SRPK2: variants seen among roughly 807,000 people sequenced by gnomAD.
SRPK2 encodes SRSF protein kinase 2.
SRPK2 carries 21 observed loss-of-function variants against 90.8 expected under a neutral mutation model. That is an observed-to-expected ratio of 0.23 (90% CI 0.16 to 0.33). SRPK2 has a LOEUF of 0.33. Among genes scored for constraint, SRPK2 ranks in the 10% least tolerant of loss-of-function variants. SRPK2 has a pLI of 1.00. For synonymous variants in SRPK2, 288 were observed against 311.1 expected (o/e 0.93, Z 0.78); for missense variants, 620 against 869.0 (o/e 0.71, Z 3.60).
At chr7:105,276,434 T>A (rs914467994) in intron 2 of SRPK2, among the ~76,000 whole-genome samples, 1 of 152,108 alleles carries the variant, frequency 6.6e-6, no homozygotes, top group East Asian at 1.9e-4. Context: ...TGGAGCCACT[T>A]TAGACTATGA....
At chr7:105,181,999 C>T (rs1402533517) in intron 3 of SRPK2, among the ~76,000 whole-genome samples, 2 of 151,346 alleles carry the variant, frequency 1.3e-5, no homozygotes, top group East Asian at 1.9e-4. Flanking sequence ...GGGGCCAAGG[C>T]GGGTGGATCA....
At chr7:105,355,764 A>G (rs1484332836) in intron 2 of SRPK2, among the ~76,000 whole-genome samples, 1 of 151,960 alleles carries the variant, frequency 6.6e-6, no homozygotes, top group Non-Finnish European at 1.5e-5. Context: ...TATCACCATC[A>G]GGGCCAAGCA....
At chr7:105,389,841 G>T (rs191202424), upstream of SRPK2, among the ~76,000 whole-genome samples, 2 of 152,148 alleles carry the variant, frequency 1.3e-5, no homozygotes, top group South Asian at 2.1e-4. Context: ...TGAAAGATAC[G>T]CATTCTGACT....
At chr7:105,122,832 A>G (rs1011394913) in intron 15 of SRPK2, among the ~76,000 whole-genome samples, 1 of 150,920 alleles carries the variant, frequency 6.6e-6, no homozygotes, top group African/African-American at 2.5e-5. Flanking sequence ...CATGCACACA[A>G]TCACTCTCTT....
At chr7:105,244,907 G>C (rs978824106) in intron 2 of SRPK2, 1 of 1,481,404 alleles carries the variant, frequency 6.8e-7, no homozygotes. Flanking sequence ...GCGCCAAGAG[G>C]AAGCGGGAGG....
intron 2 of SRPK2, among the ~76,000 whole-genome samples, chr7:105,248,906 A>G (rs1475488200): frequency 6.6e-6 from 1 of 151,872 alleles, no homozygotes; most frequent in Non-Finnish European, 1.5e-5. Flanking sequence ...AGCCTGGGTG[A>G]CAGACCGAAG....
intron 3 of SRPK2, among the ~76,000 whole-genome samples, chr7:105,174,511 A>G (rs1013749659): frequency 1.3e-5 from 2 of 152,114 alleles, no homozygotes; most frequent in African/African-American, 4.8e-5. Context: ...TAACCACTGA[A>G]AACTTTCAAA....
intron 2 of SRPK2, 99 bp from the exon 3 acceptor site, chr7:105,203,884 G>C: frequency 7.4e-7 from 1 of 1,359,006 alleles, no homozygotes; most frequent in Non-Finnish European, 1.0e-6. Context: ...AATAAAACTT[G>C]TCACATACTA....
At chr7:105,183,670 G>A (rs1219174398) in intron 3 of SRPK2, among the ~76,000 whole-genome samples, 1 of 151,718 alleles carries the variant, frequency 6.6e-6, no homozygotes, top group Non-Finnish European at 1.5e-5. Context: ...TGTATTTTTA[G>A]TAAAGATGGG....
At chr7:105,186,341 C>T (rs1793575053) in intron 3 of SRPK2, among the ~76,000 whole-genome samples, 1 of 152,128 alleles carries the variant, frequency 6.6e-6, no homozygotes, top group South Asian at 2.1e-4. Flanking sequence ...GCCACACCAC[C>T]CTCCCAACTT....
upstream of SRPK2, chr7:105,389,162 C>G: frequency 9.8e-7 from 1 of 1,022,592 alleles, no homozygotes. Flanking sequence ...TGCGATCCTG[C>G]GGCTGGCCCA....
intron 2 of SRPK2, among the ~76,000 whole-genome samples, chr7:105,328,203 C>A (rs1276537606): frequency 6.6e-6 from 1 of 152,160 alleles, no homozygotes; most frequent in Non-Finnish European, 1.5e-5. Flanking sequence ...TGGATCAGGG[C>A]AGGAGGGTAG....
At chr7:105,308,102 T>C (rs1457255156) in intron 2 of SRPK2, among the ~76,000 whole-genome samples, 1 of 152,192 alleles carries the variant, frequency 6.6e-6, no homozygotes, top group African/African-American at 2.4e-5. Flanking sequence ...ACCCCAAAAT[T>C]AGCAGTTTAG....
chr7:105,349,311 T>C (rs1237450527), intron 2 of SRPK2, among the ~76,000 whole-genome samples: 8 of 151,494 alleles, frequency 5.3e-5, no homozygotes, highest in Non-Finnish European at 8.8e-5. Flanking sequence ...TCACTGGAGG[T>C]TGGGAGTTCA....
intron 3 of SRPK2, among the ~76,000 whole-genome samples, chr7:105,184,168 G>A (rs534722439): frequency 2.0e-5 from 3 of 150,676 alleles, no homozygotes; most frequent in African/African-American, 7.3e-5. Flanking sequence ...TAGTAGAGAC[G>A]GGGTTTTACT....
chr7:105,179,688 G>A (rs1461160014), intron 3 of SRPK2, among the ~76,000 whole-genome samples: 1 of 151,934 alleles, frequency 6.6e-6, no homozygotes, highest in African/African-American at 2.4e-5. Context: ...AGCCGGGTGT[G>A]GTGGCGCATG....
intron 2 of SRPK2, among the ~76,000 whole-genome samples, chr7:105,277,636 G>C (rs1379835085): frequency 6.6e-6 from 1 of 152,188 alleles, no homozygotes; most frequent in African/African-American, 2.4e-5. Flanking sequence ...TGTTATCCCA[G>C]TGTTCATTAC....
At chr7:105,398,162 T>TA (rs1822381814) in intron 1 of SRPK2, among the ~76,000 whole-genome samples, 1 of 152,132 alleles carries the variant, frequency 6.6e-6, no homozygotes, top group African/African-American at 2.4e-5. Flanking sequence ...CCCAATCTGT[T>TA]ACAATGAAAC....
intron 2 of SRPK2, among the ~76,000 whole-genome samples, chr7:105,288,617 A>AAC (rs1808505304): frequency 6.6e-6 from 1 of 151,608 alleles, no homozygotes; most frequent in Non-Finnish European, 1.5e-5. Flanking sequence ...ACAACAACAA[A>AAC]AAAAATATAT....
Sources: allele counts gnomAD v4.1 joint callset (sites outside exome capture counted in the v4.1 genomes callset), GRCh38; gene constraint gnomAD v4.1.1; transcripts MANE v1.5; gene names NCBI Gene and HGNC (gene_info 2026-07-23, HGNC 2026-07-21).